Variants in TRPM3 observed in about 807,000 individuals in gnomAD.
TRPM3 encodes the protein long transient receptor potential channel 3.
TRPM3 carries 77 observed loss-of-function variants against 181.2 expected under a neutral mutation model. The observed-to-expected ratio is 0.42, with a 90% CI of 0.35 to 0.51. TRPM3 has a LOEUF of 0.51. Among genes scored for constraint, TRPM3 ranks in the 20% least tolerant of loss-of-function variants. The pLI, the probability that TRPM3 is intolerant of heterozygous loss-of-function variation, is 0.01. For synonymous variants in TRPM3, 745 were observed against 796.4 expected, an observed-to-expected ratio of 0.94 and a Z score of 1.09; for missense variants, 1,759 against 2,196.7, an observed-to-expected ratio of 0.80 and a Z score of 3.98.
At chr9:70,997,092 T>G (rs2097547387) in intron 1 of TRPM3, among the ~76,000 whole-genome samples, 1 of 152,252 alleles carries the variant, frequency 6.6e-6, no homozygotes, top group South Asian at 2.1e-4. Context: ...GACGATATAT[T>G]TCAATGACAG....
At chr9:70,910,432 G>A (rs1370870292) in intron 1 of TRPM3, among the ~76,000 whole-genome samples, 1 of 152,140 alleles carries the variant, frequency 6.6e-6, no homozygotes, top group Non-Finnish European at 1.5e-5. Context: ...GATATTTAAG[G>A]TGCTGTCTGA....
At chr9:71,055,782 T>G (rs1421935862) in intron 1 of TRPM3, among the ~76,000 whole-genome samples, 1 of 152,008 alleles carries the variant, frequency 6.6e-6, no homozygotes, top group African/African-American at 2.4e-5. Flanking sequence ...AAATAAATGT[T>G]GTTTTGAATG....
Position 70,864,328 on chromosome 9 carries a change from A to T in TRPM3, c.257+104T>A, listed in dbSNP as rs548999377. 1,040 of 729,974 alleles carry T rather than the reference A, an allele frequency of 1.4e-3. 19 individuals carry two copies. In the East Asian group the frequency reaches 0.028, roughly 20 times the overall value. 45.2% of individuals were successfully genotyped at this position (729,974 alleles called of 1,614,324 possible). ...GATGTCCAGAAACAATATAAAAGAT[A>T]TTTAATTTGACAGTGTTTCCCTTGT... On this transcript the variant is annotated intron_variant, in intron 2 of 25. Coordinates refer to ENST00000677713, the MANE Select transcript of TRPM3 (RefSeq NM_001366145.2).
intron 1 of TRPM3, among the ~76,000 whole-genome samples, chr9:71,442,269 G>A (rs1370322624): frequency 6.6e-6 from 1 of 152,200 alleles, no homozygotes; most frequent in African/African-American, 2.4e-5. Flanking sequence ...CAAGAGTGCT[G>A]TCTAAGGTTG....
At chr9:71,054,592 A>G (rs2060448802) in intron 1 of TRPM3, among the ~76,000 whole-genome samples, 1 of 152,104 alleles carries the variant, frequency 6.6e-6, no homozygotes, top group South Asian at 2.1e-4. Flanking sequence ...TCATCTATTA[A>G]TTCATCAAAC....
intron 22 of TRPM3, among the ~76,000 whole-genome samples, chr9:70,554,182 GA>G (rs1449176881): frequency 6.6e-6 from 1 of 152,110 alleles, no homozygotes. Context: ...ATGCAAGAAA[GA>G]AAAAAATCCC....
intron 1 of TRPM3, among the ~76,000 whole-genome samples, chr9:71,142,625 AC>A (rs1347764587): frequency 6.6e-6 from 1 of 152,198 alleles, no homozygotes; most frequent in Admixed American, 6.5e-5. Context: ...TATTAAAAGA[AC>A]CATGCTAATT....
At chr9:71,269,618 C>A (rs1007814281) in intron 1 of TRPM3, among the ~76,000 whole-genome samples, 1 of 152,142 alleles carries the variant, frequency 6.6e-6, no homozygotes, top group South Asian at 2.1e-4. Context: ...TGAGTTAAAA[C>A]CTGCATTCTA....
chr9:70,779,921 C>T (rs975481239), intron 7 of TRPM3, among the ~76,000 whole-genome samples: 1 of 152,118 alleles, frequency 6.6e-6, no homozygotes, highest in Non-Finnish European at 1.5e-5. Flanking sequence ...CTTCCAGGTA[C>T]TATATGCCAT....
chr9:71,098,965 T>C (rs1277998217), intron 1 of TRPM3, among the ~76,000 whole-genome samples: 1 of 152,160 alleles, frequency 6.6e-6, no homozygotes, highest in African/African-American at 2.4e-5. Context: ...ATTGCCAGAC[T>C]GGGCTACTCA....
At chr9:71,196,560 G>A (rs927232258) in intron 1 of TRPM3, among the ~76,000 whole-genome samples, 1 of 151,676 alleles carries the variant, frequency 6.6e-6, no homozygotes, top group African/African-American at 2.4e-5. Context: ...CTTCTTCCCT[G>A]TGAATTGACC....
At chr9:71,403,183 A>C (rs62545043) in intron 1 of TRPM3, among the ~76,000 whole-genome samples, 6,829 of 152,286 alleles carry the variant, frequency 0.045, 213 homozygotes, top group Non-Finnish European at 0.07. Context: ...TTGTTTTTAT[A>C]ATTAAAGTTT....
intron 8 of TRPM3, among the ~76,000 whole-genome samples, chr9:70,695,882 G>T (rs1250753934): frequency 2.0e-5 from 3 of 152,144 alleles, no homozygotes; most frequent in African/African-American, 7.2e-5. Context: ...ATACACTCGA[G>T]CCCAGACAGC....
intron 24 of TRPM3, 101 bp downstream of exon 24, chr9:70,552,743 A>C: frequency 8.3e-7 from 1 of 1,209,420 alleles, no homozygotes; most frequent in Non-Finnish European, 1.2e-6. Flanking sequence ...AGCCTGCAAG[A>C]GGTAGGAGGA....
intron 8 of TRPM3, among the ~76,000 whole-genome samples, chr9:70,685,991 A>AATC: frequency 6.6e-6 from 1 of 151,436 alleles, no homozygotes; most frequent in East Asian, 1.9e-4. Context: ...TAAATTACCT[A>AATC]ATCATATACA....
intron 1 of TRPM3, among the ~76,000 whole-genome samples, chr9:71,201,992 T>G (rs1301277056): frequency 6.6e-6 from 1 of 152,222 alleles, no homozygotes; most frequent in African/African-American, 2.4e-5. Context: ...GATGGTGATG[T>G]ACAGATGGGT....
chr9:71,025,640 A>G (rs1186936635), intron 1 of TRPM3, among the ~76,000 whole-genome samples: 2 of 152,228 alleles, frequency 1.3e-5, no homozygotes, highest in East Asian at 3.8e-4. Flanking sequence ...AAAAAGCCAG[A>G]TGGAGGGCAG....
At chr9:70,557,750 T>C (rs1270799846) in intron 22 of TRPM3, among the ~76,000 whole-genome samples, 1 of 152,206 alleles carries the variant, frequency 6.6e-6, no homozygotes, top group Non-Finnish European at 1.5e-5. Flanking sequence ...TTTTGGGACC[T>C]GACATTTGGG....
At position 70,537,140 on chromosome 9, in the gene TRPM3, C is replaced by G; in HGVS notation, c.3973G>C (p.Glu1325Gln). 6.3e-7 allele frequency: 1 copy of G among 1,594,430 alleles called. No individual in the cohort carries two copies. The highest frequency in any genetic ancestry group is 2.3e-5 in the East Asian group (1 of 44,330). Reference protein sequence around the residue: ...SQEGNTFKLQESIDPAGEETM... With the variant: ...SQEGNTFKLQQSIDPAGEETM... ...TCCTCACCTGCAGGGTCTATACTCT[C>G]TTGGAGCTTGAAGGTGTTCCCTTCC... Residue 1325 changes from glutamate (E) to glutamine (Q), a missense_variant, in exon 26 of 26, where the codon GAG becomes CAG. By Grantham distance (29) the Glu-to-Gln change is conservative. This residue lies in a region of TRPM3 where 612 missense variants were observed against 590.0 expected (regional missense o/e 1.04). Coordinates refer to ENST00000677713, the MANE Select transcript of TRPM3 (RefSeq NM_001366145.2).
Sources: gnomAD v4.1 joint callset for allele counts (sites outside exome capture counted in the v4.1 genomes callset) on GRCh38, gnomAD v4.1.1 for gene constraint, gnomAD v4.1.1 regional missense constraint, MANE v1.5 for transcripts, NCBI Gene and HGNC (gene_info 2026-07-23, HGNC 2026-07-21) for gene names.